Variants in HNRNPR observed in about 807,000 individuals in gnomAD.
The protein encoded by HNRNPR is heterogeneous nuclear ribonucleoprotein R.
In HNRNPR, 4 loss-of-function variants were observed where a neutral mutation model predicts 70.3. That is an observed-to-expected ratio of 0.06 (90% CI 0.03 to 0.13). The LOEUF is 0.13. HNRNPR is among the 10% of genes least tolerant of loss of function. The probability of loss-of-function intolerance (pLI) is 1.00; values close to 1 mark genes in which losing one functional copy is unlikely to be tolerated. For missense variants in HNRNPR, 423 were observed against 788.5 expected (o/e 0.54, Z 5.55); for synonymous variants, 241 against 267.6 (o/e 0.90, Z 0.97).
Position 23,318,430 on chromosome 1 carries a change from G to A in HNRNPR, c.1017+53C>T. The A allele has an allele frequency of 7.1e-7, 1 of 1,401,794 alleles. No individual in the cohort carries two copies. The highest frequency in any genetic ancestry group is 1.2e-5 in the South Asian group (1 of 84,788). 86.8% of individuals were successfully genotyped at this position (1,401,794 alleles called of 1,614,324 possible). A position where few individuals can be genotyped will look rare whatever the true frequency, so the allele number is the denominator to read the frequency against. On this transcript the variant is annotated intron_variant, in intron 8 of 10. Transcript: ENST00000302271. The surrounding 1 kb of genome is among the most constrained non-coding windows in gnomAD (Gnocchi z 4.2). ...ACTCAAAATATTTGAGCTTTATTCTGAGTACAAAATTTAAATGATGACCCT... is the reference window on the plus strand; with the variant it reads ...ACTCAAAATATTTGAGCTTTATTCTAAGTACAAAATTTAAATGATGACCCT...
intron 8 of HNRNPR, among the ~76,000 whole-genome samples, chr1:23,317,230 G>C (rs765290375): frequency 1.3e-5 from 2 of 152,054 alleles, no homozygotes; most frequent in African/African-American, 4.8e-5. Context: ...AGGCCGAGGC[G>C]GGCGGTTCAC....
chr1:23,343,589 G>A (rs1017364299), intron 1 of HNRNPR, among the ~76,000 whole-genome samples: 4 of 152,320 alleles, frequency 2.6e-5, no homozygotes, highest in African/African-American at 9.6e-5. Context: ...GCGCCGCTTG[G>A]AGCCTAAGTT....
In HNRNPR at chr1:23,311,048, G is replaced by A; in HGVS notation, c.1308C>T (p.Tyr436=). ...SRSTAYEDYY[Y]HPPPRMPPPI... The stretch of plus-strand genomic sequence containing the variant: ...GAGGTGGCATGCGAGGAGGAGGGTG[G>A]TAGTAATAATCTTCATACCTAGCAA... The change falls in exon 11 of 11, where the codon TAC becomes TAT. Residue 436 remains tyrosine (Y), a synonymous_variant. Coordinates refer to ENST00000302271, the MANE Select transcript of HNRNPR (RefSeq NM_005826.5). 2 of 1,614,104 alleles carry A rather than the reference G, an allele frequency of 1.2e-6. No homozygotes were observed. Among genetic ancestry groups the A allele is most frequent in the African/African-American group, 1.3e-5 (1 of 75,034 alleles).
chr1:23,313,197 A>C (rs756079538), intron 9 of HNRNPR, among the ~76,000 whole-genome samples: 4 of 152,186 alleles, frequency 2.6e-5, no homozygotes, highest in Non-Finnish European at 5.9e-5. Flanking sequence ...AGTTTCCTTC[A>C]TAGGTACACA....
chr1:23,332,051 G>C (rs983537113), intron 5 of HNRNPR, among the ~76,000 whole-genome samples: 10 of 151,980 alleles, frequency 6.6e-5, no homozygotes, highest in Non-Finnish European at 1.3e-4. Flanking sequence ...AGAATCGCTT[G>C]AACCTGCGAG....
At chr1:23,338,736 T>C (rs566041502) in intron 2 of HNRNPR, 128 bp from the exon 3 acceptor site, 5 of 497,848 alleles carry the variant, frequency 1.0e-5, no homozygotes, top group African/African-American at 7.9e-5. Flanking sequence ...TTTAACTATA[T>C]GCATATACGC....
chr1:23,311,090 A>G, intron 10 of HNRNPR, 24 bp from the exon 11 acceptor site: 1 of 1,609,450 alleles, frequency 6.2e-7, no homozygotes, highest in Non-Finnish European at 8.5e-7. Context: ...GAAGGGAGAA[A>G]AGAAAAAACA....
At chr1:23,330,511 G>A (rs147558664) in intron 5 of HNRNPR, among the ~76,000 whole-genome samples, 2 of 152,184 alleles carry the variant, frequency 1.3e-5, no homozygotes, top group East Asian at 3.9e-4. Context: ...CTCCAGCCTG[G>A]GCGACAGAGT....
At chr1:23,339,776 G>A (rs1037194469) in intron 2 of HNRNPR, among the ~76,000 whole-genome samples, 1 of 152,016 alleles carries the variant, frequency 6.6e-6, no homozygotes, top group Non-Finnish European at 1.5e-5. Flanking sequence ...ACCACCACCC[G>A]AAGCCACAAC....
At chr1:23,317,205 C>A (rs1299537838) in intron 8 of HNRNPR, among the ~76,000 whole-genome samples, 1 of 152,046 alleles carries the variant, frequency 6.6e-6, no homozygotes, top group African/African-American at 2.4e-5. Context: ...ACACCTGTAA[C>A]CCCAGCACTT....
intron 1 of HNRNPR, among the ~76,000 whole-genome samples, chr1:23,341,883 A>G (rs1047570188): frequency 2.0e-5 from 3 of 152,216 alleles, no homozygotes; most frequent in African/African-American, 7.2e-5. Context: ...AATTTTGTAC[A>G]TTCAGCCTGT....
In HNRNPR at chr1:23,337,878, A is replaced by C. The variant is rs771931522; in HGVS notation, c.277-17T>G. 54 of 1,463,384 alleles carry C rather than the reference A, an allele frequency of 3.7e-5. No individual in the cohort carries two copies. The highest frequency in any genetic ancestry group is 4.9e-5 in the Non-Finnish European group (52 of 1,060,164). 90.6% of individuals were successfully genotyped at this position (1,463,384 alleles called of 1,614,324 possible). ...ACTTTTGTTCTAGAACAGACAAGTA[A>C]TTCAATAAAAAGAATCACCAAAAAT... On this transcript the variant is annotated splice_polypyrimidine_tract_variant and intron_variant, in intron 3 of 10. Coordinates refer to ENST00000302271, the MANE Select transcript of HNRNPR (RefSeq NM_005826.5).
chr1:23,330,442 G>A (rs2148430872), intron 5 of HNRNPR, among the ~76,000 whole-genome samples: 1 of 152,242 alleles, frequency 6.6e-6, no homozygotes, highest in Non-Finnish European at 1.5e-5. Flanking sequence ...GGCTCAGGCA[G>A]GAGGATCGCT....
intron 5 of HNRNPR, among the ~76,000 whole-genome samples, chr1:23,332,397 T>C (rs1646272330): frequency 2.5e-5 from 2 of 79,344 alleles, no homozygotes; most frequent in African/African-American, 5.0e-5. Context: ...TTCTAAATTA[T>C]TGATATTAAA....
chr1:23,333,924 T>C (rs930592289), intron 4 of HNRNPR, among the ~76,000 whole-genome samples: 3 of 151,906 alleles, frequency 2.0e-5, no homozygotes, highest in Non-Finnish European at 1.5e-5. Context: ...CTTTTCTTCT[T>C]TTTTTTTGAG....
At chr1:23,339,872 G>C (rs1646646665) in intron 2 of HNRNPR, among the ~76,000 whole-genome samples, 1 of 152,098 alleles carries the variant, frequency 6.6e-6, no homozygotes, top group Non-Finnish European at 1.5e-5. Flanking sequence ...CTCTACAAGA[G>C]AGCATCTCTA....
At chr1:23,336,147 G>A (rs556122505) in intron 4 of HNRNPR, among the ~76,000 whole-genome samples, 29 of 142,756 alleles carry the variant, frequency 2.0e-4, no homozygotes, top group African/African-American at 6.7e-4. Context: ...ATCACAGGCC[G>A]GATATGGTGG....
chr1:23,336,239 A>G (rs958721350), intron 4 of HNRNPR, among the ~76,000 whole-genome samples: 1 of 151,426 alleles, frequency 6.6e-6, no homozygotes. Context: ...CAGCCTGGCT[A>G]ACACAGTGAA....
In HNRNPR at chr1:23,307,566, T is replaced by G. The variant is rs190806895; in HGVS notation, c.*2888A>C. The G allele has an allele frequency of 6.4e-4, 97 of 152,220 alleles. No individual in the cohort carries two copies. The highest frequency in any genetic ancestry group is 1.9e-3 in the African/African-American group (78 of 41,576). The allele number at this position is 152,220 out of a possible 1,614,324, so 9.4% of individuals were successfully genotyped here. A position where few individuals can be genotyped will look rare whatever the true frequency, so the allele number is the denominator to read the frequency against. On this transcript the variant is annotated 3_prime_UTR_variant, in exon 11 of 11. Coordinates refer to ENST00000302271, the MANE Select transcript of HNRNPR (RefSeq NM_005826.5). ...ACAGAATCATAACTCATTTTCCTTA[T>G]CTTTTCACCAAATAAACCTGCATTT...
Sources: allele counts gnomAD v4.1 joint callset (sites outside exome capture counted in the v4.1 genomes callset), GRCh38; gene constraint gnomAD v4.1.1; non-coding constraint Gnocchi (gnomAD v3.1); transcripts MANE v1.5; gene names NCBI Gene and HGNC (gene_info 2026-07-23, HGNC 2026-07-21).